SSPN: variants seen among roughly 807,000 people sequenced by gnomAD.
SSPN encodes the protein sarcospan.
A neutral mutation model predicts 19.1 loss-of-function variants in SSPN; 15 were observed. That is an observed-to-expected ratio of 0.78 (90% CI 0.52 to 1.21). The LOEUF (loss-of-function observed/expected upper bound fraction) is 1.21, where lower values mean the gene tolerates loss of function less well. Ranked by LOEUF, SSPN falls within the 50% of genes most tolerant of loss-of-function variation. The pLI is 0.00. For missense variants in SSPN, 291 were observed against 314.0 expected (o/e 0.93, Z 0.55); for synonymous variants, 147 against 140.3 (o/e 1.05, Z -0.34).
intron 1 of SSPN, among the ~76,000 whole-genome samples, chr12:26,174,986 T>A (rs750277482): frequency 2.6e-5 from 4 of 152,244 alleles, no homozygotes; most frequent in Non-Finnish European, 5.9e-5. Context: ...GCCATGGGTT[T>A]GTTTCCATGT....
chr12:26,215,954 A>G (rs1945043605), intron 1 of SSPN, among the ~76,000 whole-genome samples: 1 of 152,246 alleles, frequency 6.6e-6, no homozygotes. Context: ...TTCAGGGGCA[A>G]TGAATGTATA....
intron 1 of SSPN, chr12:26,180,658 C>A (rs999787237): frequency 6.6e-6 from 1 of 152,140 alleles, no homozygotes; most frequent in Non-Finnish European, 1.5e-5. Flanking sequence ...GTTTTTTAGT[C>A]AAGAGATATA....
intron 1 of SSPN, among the ~76,000 whole-genome samples, chr12:26,148,558 T>C (rs1005335925): frequency 1.3e-5 from 2 of 152,222 alleles, no homozygotes; most frequent in African/African-American, 4.8e-5. Context: ...CCGTGATTCC[T>C]CTACTTAACG....
intron 1 of SSPN, chr12:26,214,736 T>G (rs2137488271): frequency 6.6e-6 from 1 of 152,284 alleles, no homozygotes; most frequent in African/African-American, 2.4e-5. Context: ...TTTATCCAAT[T>G]AGGGAAAGAG....
At chr12:26,190,198 G>A (rs1300097709) in intron 1 of SSPN, among the ~76,000 whole-genome samples, 1 of 152,186 alleles carries the variant, frequency 6.6e-6, no homozygotes, top group African/African-American at 2.4e-5. Flanking sequence ...CATGTGGGCT[G>A]GACTTTGTGA....
At chr12:26,201,541 C>T (rs1045305081) in intron 1 of SSPN, among the ~76,000 whole-genome samples, 5 of 151,806 alleles carry the variant, frequency 3.3e-5, no homozygotes, top group African/African-American at 9.7e-5. Flanking sequence ...TTCTACTAAG[C>T]CTGATGTGCA....
At chr12:26,129,431 A>G (rs1014073829) in intron 1 of SSPN, among the ~76,000 whole-genome samples, 1 of 152,172 alleles carries the variant, frequency 6.6e-6, no homozygotes, top group Non-Finnish European at 1.5e-5. Flanking sequence ...TCAAGGGAGA[A>G]GAGTTAATGT....
At chr12:26,164,084 G>A (rs774770778) in intron 1 of SSPN, among the ~76,000 whole-genome samples, 7 of 152,186 alleles carry the variant, frequency 4.6e-5, no homozygotes, top group South Asian at 2.1e-4. Flanking sequence ...GCAAAGCCCC[G>A]TAAGCAGATC....
chr12:26,143,594 C>G (rs1168745644), intron 1 of SSPN, among the ~76,000 whole-genome samples: 1 of 152,110 alleles, frequency 6.6e-6, no homozygotes, highest in Admixed American at 6.5e-5. Flanking sequence ...AGGTAGGATG[C>G]AGAATGGGTA....
At chr12:26,138,166 A>G (rs538634949) in intron 1 of SSPN, among the ~76,000 whole-genome samples, 52 of 152,290 alleles carry the variant, frequency 3.4e-4, no homozygotes, top group Non-Finnish European at 6.6e-4. Flanking sequence ...TATGACATAA[A>G]CACTATATAA....
chr12:26,226,080 G>C (rs1945173261), intron 2 of SSPN, among the ~76,000 whole-genome samples: 1 of 151,788 alleles, frequency 6.6e-6, no homozygotes, highest in Non-Finnish European at 1.5e-5. Flanking sequence ...TTCCACCCGT[G>C]ACAGGCATTG....
intron 1 of SSPN, among the ~76,000 whole-genome samples, chr12:26,142,539 G>T (rs910579847): frequency 6.6e-6 from 1 of 152,164 alleles, no homozygotes; most frequent in Non-Finnish European, 1.5e-5. Flanking sequence ...ATGGGAGGAG[G>T]ATATGAGACA....
chr12:26,207,116 A>G (rs1456775527), intron 1 of SSPN, among the ~76,000 whole-genome samples: 1 of 152,244 alleles, frequency 6.6e-6, no homozygotes, highest in Non-Finnish European at 1.5e-5. Flanking sequence ...GGGGTCTGAA[A>G]TTTGAGGAAT....
chr12:26,212,385 A>T (rs1030649493), intron 1 of SSPN, among the ~76,000 whole-genome samples: 1 of 152,188 alleles, frequency 6.6e-6, no homozygotes, highest in African/African-American at 2.4e-5. Context: ...CTTTTCTGTG[A>T]TAGAATTTCT....
chr12:26,213,981 T>G (rs767333069), intron 1 of SSPN, among the ~76,000 whole-genome samples: 1 of 152,156 alleles, frequency 6.6e-6, no homozygotes, highest in African/African-American at 2.4e-5. Context: ...AAGGAATATT[T>G]GTTAAATGAG....
chr12:26,215,795 G>C (rs770102670), intron 1 of SSPN, among the ~76,000 whole-genome samples: 7 of 152,296 alleles, frequency 4.6e-5, no homozygotes, highest in Non-Finnish European at 7.4e-5. Flanking sequence ...GAGGAAACAG[G>C]CTCTGCAATG....
intron 1 of SSPN, among the ~76,000 whole-genome samples, chr12:26,159,070 G>T (rs1944572558): frequency 6.6e-6 from 1 of 152,244 alleles, no homozygotes; most frequent in Admixed American, 6.5e-5. Context: ...GGTCAGGAAA[G>T]GGACCTCTGC....
intron 1 of SSPN, among the ~76,000 whole-genome samples, chr12:26,171,898 C>G (rs112141677): frequency 6.6e-6 from 1 of 152,142 alleles, no homozygotes. Context: ...CAAGGCTTCA[C>G]CTCTACCATT....
At chr12:26,227,536 C>T (rs1945190340) in intron 2 of SSPN, among the ~76,000 whole-genome samples, 1 of 152,124 alleles carries the variant, frequency 6.6e-6, no homozygotes, top group South Asian at 2.1e-4. Flanking sequence ...TCCTACAAGC[C>T]AAGAATGCAT....
Sources: allele counts gnomAD v4.1 joint callset (sites outside exome capture counted in the v4.1 genomes callset), GRCh38; gene constraint gnomAD v4.1.1; transcripts MANE v1.5; gene names NCBI Gene and HGNC (gene_info 2026-07-23, HGNC 2026-07-21).